Variants in NTN1 observed in about 807,000 individuals in gnomAD.
The protein encoded by NTN1 is netrin-1.
In NTN1, 11 loss-of-function variants were observed where a neutral mutation model predicts 54.2. That is an observed-to-expected ratio of 0.20 (90% CI 0.13 to 0.34). The LOEUF is 0.34. Among genes scored for constraint, NTN1 ranks in the 10% least tolerant of loss-of-function variants. The pLI is 1.00. For missense variants in NTN1, 740 were observed against 893.1 expected, an observed-to-expected ratio of 0.83 and a Z score of 2.18; for synonymous variants, 371 against 382.0, an observed-to-expected ratio of 0.97 and a Z score of 0.33.
rs780758662 is a variant in NTN1, at chr17:9,022,942, G to A, written c.569G>A (p.Arg190His). Residue 190 changes from arginine to histidine, a missense_variant, in exon 2 of 7, where the codon CGC (arginine) becomes CAC (histidine). Transcript: ENST00000173229. ...CGCAAGATGTACAACCGGCCGCACC[G>A]CGCGCCCATCACCAAGCAGAACGAG... ...QCRKMYNRPH[R>H]APITKQNEQE... is the part of the protein sequence containing the mutation. 9.3e-6 allele frequency: 15 copies of A among 1,611,404 alleles called. No individual in the cohort carries two copies. The Admixed American group carries it at 2.2e-4, about 23-fold the overall frequency.
In NTN1 at chr17:9,144,399, A is replaced by G. The variant is rs370515884; in HGVS notation, c.1019-18414A>G. Among the ~76,000 whole-genome samples, 3 of 152,192 alleles carry G rather than the reference A, an allele frequency of 2.0e-5. No individual in the cohort carries two copies. In the South Asian group the frequency reaches 6.2e-4, roughly 32 times the overall value. On this transcript the variant is annotated intron_variant, in intron 2 of 6. Transcript: ENST00000173229. ...ACCATTACTGTCCTCATTCCTAGATAAGGAAACTGAGGCATAGAGGTGATC... is the reference window on the plus strand; with the variant it reads ...ACCATTACTGTCCTCATTCCTAGATGAGGAAACTGAGGCATAGAGGTGATC...
At chr17:9,179,612 T>G (rs996927828) in intron 3 of NTN1, among the ~76,000 whole-genome samples, 195 bp from the exon 4 acceptor site, 4 of 152,192 alleles carry the variant, frequency 2.6e-5, no homozygotes, top group African/African-American at 9.7e-5. Context: ...TTGGTTTTTA[T>G]TCTCCGTTTC....
rs562028442 is a variant in NTN1, at chr17:9,219,553, G to T, written c.1412-1615G>T. ...GCCCCCAAGGTAGTGGGATAGAGCT[G>T]CATTGATCTTCATTGAGGCACCAGT... is the stretch of plus-strand genomic sequence containing the variant. On this transcript the variant is annotated intron_variant, in intron 5 of 6. Coordinates refer to ENST00000173229, the MANE Select transcript of NTN1 (RefSeq NM_004822.3). The surrounding 1 kb of genome is among the most constrained non-coding windows in gnomAD (Gnocchi z 4.5). Among the ~76,000 whole-genome samples the T allele has an allele frequency of 1.3e-5, 2 of 152,338 alleles. No individual in the cohort carries two copies. The highest frequency in any genetic ancestry group is 4.1e-4 in the South Asian group (2 of 4,832).
intron 2 of NTN1, among the ~76,000 whole-genome samples, chr17:9,154,744 A>G (rs1567723636): frequency 6.6e-6 from 1 of 152,250 alleles, no homozygotes; most frequent in Non-Finnish European, 1.5e-5. Context: ...GCAAAGTAAT[A>G]AAGGAAATAC....
At chr17:9,065,678 A>G (rs2092012944) in intron 2 of NTN1, among the ~76,000 whole-genome samples, 2 of 152,230 alleles carry the variant, frequency 1.3e-5, no homozygotes, top group Non-Finnish European at 2.9e-5. Context: ...CCGTGAGCTC[A>G]GTAAAACGGC....
intron 6 of NTN1, among the ~76,000 whole-genome samples, chr17:9,225,787 CA>C (rs1237227125): frequency 6.6e-6 from 1 of 152,206 alleles, no homozygotes; most frequent in African/African-American, 2.4e-5. Flanking sequence ...TGACACCCGG[CA>C]GGGGGCCAAT....
At chr17:9,201,056 A>G (rs1904769633) in intron 5 of NTN1, among the ~76,000 whole-genome samples, 1 of 152,188 alleles carries the variant, frequency 6.6e-6, no homozygotes, top group Non-Finnish European at 1.5e-5. Context: ...GACGATACTT[A>G]GAACTAGTGG....
chr17:9,162,862 C>G lies in NTN1; in HGVS notation c.1068C>G (p.Leu356=). The G allele has an allele frequency of 6.2e-7, 1 of 1,614,120 alleles. No individual in the cohort carries two copies. The highest frequency in any genetic ancestry group is 1.1e-5 in the South Asian group (1 of 91,080). ...HARRCRFNME[L]YKLSGRKSGG... ...GGCGCTGCCGCTTCAACATGGAGCT[C>G]TACAAGCTTTCGGGGCGCAAGAGCG... is the stretch of plus-strand genomic sequence containing the variant. The change falls in exon 3 of 7, where the codon CTC becomes CTG. Residue 356 remains leucine, a synonymous_variant. Transcript: ENST00000173229.
rs935951061 is a variant in NTN1 at position 9,064,452 on chromosome 17, C to T, written c.1018+41061C>T. Reference sequence around the variant, plus strand: ...AGCTCCCCATTTCTCACTTCTGCGTCGATGCCTCATGGGCACCTCAAGCTG... The same window carrying T: ...AGCTCCCCATTTCTCACTTCTGCGTTGATGCCTCATGGGCACCTCAAGCTG... On this transcript the variant is annotated intron_variant, in intron 2 of 6. Transcript: ENST00000173229. 5.9e-5 allele frequency among the ~76,000 whole-genome samples: 9 copies of T among 152,304 alleles called. No homozygotes were observed. The South Asian group carries it at 1.2e-3, about 21-fold the overall frequency.
intron 2 of NTN1, among the ~76,000 whole-genome samples, chr17:9,149,390 C>G (rs1018453745): frequency 2.0e-5 from 3 of 152,142 alleles, no homozygotes; most frequent in African/African-American, 7.2e-5. Context: ...CTCAGACAAT[C>G]TCTTCCAGTT....
At position 9,242,919 on chromosome 17, in the gene NTN1, G is replaced by A. The variant is rs1906271327; in HGVS notation, c.*2951G>A. On this transcript the variant is annotated 3_prime_UTR_variant, in exon 7 of 7. Coordinates refer to ENST00000173229, the MANE Select transcript of NTN1 (RefSeq NM_004822.3). ...GTGTCCCGGTTTGTACAGTTAGGAA[G>A]GGATGTAAAACGGAACTAGATTTTG... is the stretch of plus-strand genomic sequence containing the variant. 1 of 152,238 alleles carries A rather than the reference G, an allele frequency of 6.6e-6. No individual in the cohort carries two copies. The highest frequency in any genetic ancestry group is 6.5e-5 in the Admixed American group (1 of 15,288). The allele number at this position is 152,238 out of a possible 1,614,324, so 9.4% of individuals were successfully genotyped here. A position where few individuals can be genotyped will look rare whatever the true frequency, so the allele number is the denominator to read the frequency against.
intron 2 of NTN1, among the ~76,000 whole-genome samples, chr17:9,051,154 C>G (rs1306589282): frequency 1.3e-5 from 2 of 152,220 alleles, no homozygotes; most frequent in Non-Finnish European, 1.5e-5. Context: ...ACAGGCTCTC[C>G]TTGGCAGGCC....
rs1317523271 is a variant in NTN1, at chr17:9,165,808, A to C, written c.1207+2807A>C. Among the ~76,000 whole-genome samples the C allele has an allele frequency of 6.6e-6, 1 of 152,236 alleles. No individual in the cohort carries two copies. The highest frequency in any genetic ancestry group is 1.5e-5 in the Non-Finnish European group (1 of 68,040). ...TGCCACCTGATTGGTGAGGAAAGAC[A>C]GGGCTTTGAGGTTTCTGCTTTCTGA... On this transcript the variant is annotated intron_variant, in intron 3 of 6. Transcript: ENST00000173229. This position sits in a 1 kb window ranked among gnomAD's most constrained non-coding sequence, Gnocchi z 4.5.
chr17:9,141,733 A>G (rs2092298339), intron 2 of NTN1, among the ~76,000 whole-genome samples: 1 of 152,082 alleles, frequency 6.6e-6, no homozygotes, highest in Admixed American at 6.6e-5. Flanking sequence ...GTGACGGTTT[A>G]TGTTTCCTGA....
chr17:9,202,983 G>T (rs1202230349), intron 5 of NTN1, among the ~76,000 whole-genome samples: 4 of 151,902 alleles, frequency 2.6e-5, no homozygotes, highest in Non-Finnish European at 1.5e-5. Flanking sequence ...GTGCAGTGGC[G>T]CGATCTCCGC....
At chr17:9,027,326 T>C (rs1246398484) in intron 2 of NTN1, among the ~76,000 whole-genome samples, 5 of 152,344 alleles carry the variant, frequency 3.3e-5, no homozygotes, top group Middle Eastern at 3.4e-3. Context: ...AGACATTTAA[T>C]CACCGTGACT....
upstream of NTN1, among the ~76,000 whole-genome samples, chr17:9,016,640 C>T (rs2091832601): frequency 6.6e-6 from 1 of 152,184 alleles, no homozygotes; most frequent in Non-Finnish European, 1.5e-5. Context: ...CCATATTGAA[C>T]AGCACAGCTC....
rs1457405089 is a variant in NTN1 at position 9,221,606 on chromosome 17, C to T, written c.1486+364C>T. 4.6e-5 allele frequency among the ~76,000 whole-genome samples: 7 copies of T among 152,324 alleles called. No individual in the cohort carries two copies. The highest frequency in any genetic ancestry group is 2.1e-4 in the South Asian group (1 of 4,828). ...ACTGCGGGGATTTGACCCGAGTCCA[C>T]GTGGCTCAAAGGGAAGCTCTCTGGG... On this transcript the variant is annotated intron_variant, in intron 6 of 6. Transcript: ENST00000173229. This position sits in a 1 kb window ranked among gnomAD's most constrained non-coding sequence, Gnocchi z 4.5.
intron 6 of NTN1, among the ~76,000 whole-genome samples, chr17:9,229,081 TGTGTGTG>T (rs1567746563): frequency 7.3e-4 from 4 of 5,500 alleles, no homozygotes; most frequent in African/African-American, 5.3e-3. Context: ...TGTTTGTGAC[TGTGTGTG>T]TGACTGAGAC....
Sources: gnomAD v4.1 joint callset for allele counts (sites outside exome capture counted in the v4.1 genomes callset) on GRCh38, gnomAD v4.1.1 for gene constraint, Gnocchi (gnomAD v3.1) non-coding constraint, MANE v1.5 for transcripts, NCBI Gene and HGNC (gene_info 2026-07-23, HGNC 2026-07-21) for gene names.